The following FA2H variants were observed in gnomAD, a reference collection of about 807,000 sequenced individuals.
FA2H encodes fatty acid alpha-hydroxylase.
FA2H carries 22 observed loss-of-function variants against 44.9 expected under a neutral mutation model. The ratio of observed to expected loss-of-function variants is 0.49; its 90% confidence interval spans 0.35 to 0.70. FA2H has a LOEUF of 0.70. Among genes scored for constraint, FA2H ranks in the 30% least tolerant of loss-of-function variants. FA2H has a pLI of 0.01. For synonymous variants in FA2H, 243 were observed against 213.2 expected (o/e 1.14, Z -1.22); for missense variants, 501 against 504.9 (o/e 0.99, Z 0.07).
intron 1 of FA2H, among the ~76,000 whole-genome samples, chr16:74,769,741 C>G (rs1962871768): frequency 6.6e-6 from 1 of 152,202 alleles, no homozygotes; most frequent in Admixed American, 6.5e-5. Flanking sequence ...AAGTGGACTT[C>G]ATACTCTGCT....
intron 1 of FA2H, among the ~76,000 whole-genome samples, chr16:74,770,134 G>T (rs1370897967): frequency 6.6e-6 from 1 of 152,208 alleles, no homozygotes; most frequent in Non-Finnish European, 1.5e-5. Flanking sequence ...CAACAGAGCT[G>T]GTTCATGGCA....
intron 4 of FA2H, among the ~76,000 whole-genome samples, chr16:74,720,870 A>C (rs1008145471): frequency 2.6e-5 from 4 of 152,212 alleles, no homozygotes; most frequent in African/African-American, 9.6e-5. Flanking sequence ...CTCTTACCGA[A>C]TATGTTCAAC....
chr16:74,720,354 C>T (rs1170247939), intron 4 of FA2H, among the ~76,000 whole-genome samples: 1 of 151,464 alleles, frequency 6.6e-6, no homozygotes, highest in African/African-American at 2.4e-5. Flanking sequence ...TGCCACCACA[C>T]CTGGCTAATT....
intron 1 of FA2H, among the ~76,000 whole-genome samples, chr16:74,748,792 C>T (rs1423497425): frequency 1.3e-5 from 2 of 152,188 alleles, no homozygotes; most frequent in Non-Finnish European, 1.5e-5. Context: ...GCGGGGGCGC[C>T]GGCATAAAGG....
chr16:74,755,686 C>A lies in FA2H; in HGVS notation c.271-15571G>T, dbSNP rs182231569. On this transcript the variant is annotated intron_variant, in intron 1 of 6. Coordinates refer to ENST00000219368, the MANE Select transcript of FA2H (RefSeq NM_024306.5). The stretch of plus-strand genomic sequence containing the variant: ...AACTGGGAGAATCTCACCAGGAGCA[C>A]CTGCATCCCCTCTAACCTGGATTTC... 2.5e-3 allele frequency among the ~76,000 whole-genome samples: 379 copies of A among 152,278 alleles called. 2 individuals are homozygous for A. The highest frequency in any genetic ancestry group is 8.5e-3 in the African/African-American group (351 of 41,532).
At position 74,761,504 on chromosome 16, in the gene FA2H, T is replaced by G. The variant is rs996294891; in HGVS notation, c.270+12982A>C. Among the ~76,000 whole-genome samples the G allele has an allele frequency of 1.4e-4, 22 of 151,920 alleles. 1 individual carries two copies. The highest frequency in any genetic ancestry group is 1.1e-3 in the Admixed American group (17 of 15,256). On this transcript the variant is annotated intron_variant, in intron 1 of 6. Transcript: ENST00000219368. ...AAAGAAAGAAAAACGTAGATCACTA[T>G]ATACACTTAAGGTGTGTTACTATTA...
chr16:74,741,602 A>C (rs999132023), intron 1 of FA2H, among the ~76,000 whole-genome samples: 1 of 151,842 alleles, frequency 6.6e-6, no homozygotes, highest in African/African-American at 2.4e-5. Context: ...CTGGGACTAC[A>C]GGTGCACATG....
intron 1 of FA2H, among the ~76,000 whole-genome samples, chr16:74,767,770 G>A (rs1468501844): frequency 6.6e-6 from 1 of 152,214 alleles, no homozygotes; most frequent in Non-Finnish European, 1.5e-5. Context: ...GAGAGTAAAT[G>A]TGTGTTGCTT....
At chr16:74,716,876 G>A in intron 5 of FA2H, 1 of 490,388 alleles carries the variant, frequency 2.0e-6, no homozygotes, top group African/African-American at 1.9e-5. Flanking sequence ...TGGGTGGGGT[G>A]TGCTGGCGGC....
chr16:74,743,432 G>A (rs949287271), intron 1 of FA2H, among the ~76,000 whole-genome samples: 1 of 152,218 alleles, frequency 6.6e-6, no homozygotes, highest in Non-Finnish European at 1.5e-5. Context: ...TGAAGAAACC[G>A]GAGGAGTCCC....
intron 1 of FA2H, among the ~76,000 whole-genome samples, chr16:74,752,111 G>A (rs979273328): frequency 6.6e-6 from 1 of 152,034 alleles, no homozygotes; most frequent in Non-Finnish European, 1.5e-5. Context: ...CCATGTCCAC[G>A]ACAATTTCAA....
At chr16:74,773,946 AG>A (rs1371872232) in intron 1 of FA2H, among the ~76,000 whole-genome samples, 1 of 152,222 alleles carries the variant, frequency 6.6e-6, no homozygotes, top group African/African-American at 2.4e-5. Context: ...AGTCCACCCC[AG>A]ACATGGCCCA....
At chr16:74,750,739 G>A (rs1167735937) in intron 1 of FA2H, among the ~76,000 whole-genome samples, 2 of 116,406 alleles carry the variant, frequency 1.7e-5, no homozygotes, top group Non-Finnish European at 3.8e-5. Flanking sequence ...TTGGATTCAG[G>A]CCTATGTCCT....
chr16:74,743,476 C>G (rs1962352798), intron 1 of FA2H, among the ~76,000 whole-genome samples: 1 of 152,218 alleles, frequency 6.6e-6, no homozygotes, highest in Non-Finnish European at 1.5e-5. Context: ...TCCTGGGAGA[C>G]AGGGGGAAGG....
intron 6 of FA2H, among the ~76,000 whole-genome samples, chr16:74,715,342 G>T (rs1051968600): frequency 6.6e-6 from 1 of 151,470 alleles, no homozygotes; most frequent in Admixed American, 6.6e-5. Flanking sequence ...CCCAGGCTGG[G>T]GTGCAGTGGC....
At chr16:74,724,568 C>T (rs1961910549) in intron 4 of FA2H, among the ~76,000 whole-genome samples, 3 of 152,206 alleles carry the variant, frequency 2.0e-5, no homozygotes, top group Admixed American at 2.0e-4. Context: ...GCCGAGTCTC[C>T]CCTTGCCTTG....
At chr16:74,743,589 G>A (rs1376284492) in intron 1 of FA2H, among the ~76,000 whole-genome samples, 1 of 152,202 alleles carries the variant, frequency 6.6e-6, no homozygotes, top group Non-Finnish European at 1.5e-5. Context: ...GTCAAGGGCT[G>A]GAAGAGGGGG....
chr16:74,744,091 C>A (rs1962367565), intron 1 of FA2H, among the ~76,000 whole-genome samples: 2 of 152,154 alleles, frequency 1.3e-5, no homozygotes, highest in South Asian at 4.1e-4. Flanking sequence ...CTGGGTCCTG[C>A]CAGGAGCAGC....
chr16:74,741,849 T>G (rs1275302422), intron 1 of FA2H, among the ~76,000 whole-genome samples: 1 of 143,046 alleles, frequency 7.0e-6, no homozygotes, highest in Non-Finnish European at 1.5e-5. Flanking sequence ...TGTGTGTGTA[T>G]GTGTGTATGT....
Sources: gnomAD v4.1 joint callset for allele counts (sites outside exome capture counted in the v4.1 genomes callset) on GRCh38, gnomAD v4.1.1 for gene constraint, MANE v1.5 for transcripts, NCBI Gene and HGNC (gene_info 2026-07-23, HGNC 2026-07-21) for gene names.